The following SLC35A3 variants were observed in gnomAD, a reference collection of about 807,000 sequenced individuals.
SLC35A3 encodes solute carrier family 35 member A3, also known as UDP-N-acetylglucosamine transporter.
In SLC35A3, 26 loss-of-function variants were observed where a neutral mutation model predicts 39.0. The observed-to-expected ratio is 0.67, with a 90% CI of 0.49 to 0.92. The LOEUF is 0.92. Ranked by LOEUF, SLC35A3 falls within the 40% of genes least tolerant of loss-of-function variation. The probability of loss-of-function intolerance (pLI) is 0.00; values close to 1 mark genes in which losing one functional copy is unlikely to be tolerated. For synonymous variants in SLC35A3, 135 were observed against 133.1 expected, an observed-to-expected ratio of 1.01 and a Z score of -0.10; for missense variants, 299 against 371.6, an observed-to-expected ratio of 0.80 and a Z score of 1.61.
At chr1:100,018,851 A>G (rs1447527972) in intron 7 of SLC35A3, among the ~76,000 whole-genome samples, 1 of 152,194 alleles carries the variant, frequency 6.6e-6, no homozygotes, top group Non-Finnish European at 1.5e-5. Context: ...TATCCTTTTT[A>G]TATTTTTTAT....
At chr1:99,970,704 G>GT in intron 1 of SLC35A3, 2 of 1,153,924 alleles carry the variant, frequency 1.7e-6, no homozygotes, top group African/African-American at 3.1e-5. Flanking sequence ...ATCAGAACAG[G>GT]TGTGTGGGTG....
At chr1:100,020,913 G>T (rs546119825) in intron 7 of SLC35A3, among the ~76,000 whole-genome samples, 1 of 152,154 alleles carries the variant, frequency 6.6e-6, no homozygotes, top group African/African-American at 2.4e-5. Context: ...TGGGTGGCAT[G>T]AAGTGGGAAG....
intron 1 of SLC35A3, among the ~76,000 whole-genome samples, chr1:99,992,829 A>G (rs745545616): frequency 1.3e-5 from 2 of 152,100 alleles, no homozygotes; most frequent in African/African-American, 4.8e-5. Flanking sequence ...TAAATCTTCT[A>G]TGTTAATAGA....
chr1:100,007,352 A>G, intron 4 of SLC35A3, 196 bp downstream of exon 4: 1 of 449,728 alleles, frequency 2.2e-6, no homozygotes, highest in Non-Finnish European at 3.9e-6. Flanking sequence ...GAATTAATCA[A>G]AATAAAATTA....
At chr1:100,015,541 T>C in intron 6 of SLC35A3, 121 bp downstream of exon 6, 1 of 1,061,060 alleles carries the variant, frequency 9.4e-7, no homozygotes, top group South Asian at 2.8e-5. Flanking sequence ...TGCTCTCGTA[T>C]CTAGTTTATT....
chr1:99,976,470 GACA>G (rs571046225), intron 1 of SLC35A3, among the ~76,000 whole-genome samples: 279 of 152,246 alleles, frequency 1.8e-3, no homozygotes, highest in Non-Finnish European at 3.0e-3. Context: ...GAAAACCTTT[GACA>G]ACAAAGGAAG....
intron 1 of SLC35A3, among the ~76,000 whole-genome samples, chr1:99,974,196 A>G (rs1046539703): frequency 5.3e-5 from 8 of 152,156 alleles, no homozygotes; most frequent in African/African-American, 1.2e-4. Context: ...ACCAATTTCA[A>G]ACAGCATTTC....
At chr1:100,002,339 G>A (rs1332065373) in intron 3 of SLC35A3, among the ~76,000 whole-genome samples, 1 of 152,134 alleles carries the variant, frequency 6.6e-6, no homozygotes, top group Non-Finnish European at 1.5e-5. Flanking sequence ...TAGGTTGTAT[G>A]AGTCCAGGAA....
chr1:99,972,794 T>C (rs535489177), intron 1 of SLC35A3, among the ~76,000 whole-genome samples: 2 of 152,212 alleles, frequency 1.3e-5, no homozygotes, highest in African/African-American at 4.8e-5. Context: ...TTACTGTGGA[T>C]TTAATATTTG....
chr1:99,984,136 A>G (rs1377826855), intron 1 of SLC35A3, among the ~76,000 whole-genome samples: 1 of 152,190 alleles, frequency 6.6e-6, no homozygotes, highest in African/African-American at 2.4e-5. Context: ...TACAAAAACA[A>G]GAAATAGAGG....
At chr1:99,988,738 C>CCTCCTCTCTCCTCCCCTTCT (rs1657900867) in intron 1 of SLC35A3, among the ~76,000 whole-genome samples, 1 of 150,926 alleles carries the variant, frequency 6.6e-6, no homozygotes, top group Non-Finnish European at 1.5e-5. Context: ...CTCCCCTTCC[C>CCTCCTCTCTCCTCCCCTTCT]CTCCTCTCTC....
intron 1 of SLC35A3, among the ~76,000 whole-genome samples, chr1:99,992,461 A>G (rs1658149396): frequency 2.0e-5 from 3 of 152,052 alleles, no homozygotes; most frequent in Admixed American, 2.0e-4. Flanking sequence ...CTTCATATTT[A>G]AAGTAAGTCT....
intron 7 of SLC35A3, among the ~76,000 whole-genome samples, chr1:100,021,553 G>T (rs1410850307): frequency 1.3e-5 from 2 of 151,804 alleles, no homozygotes; most frequent in East Asian, 3.9e-4. Flanking sequence ...TGCACCTGTG[G>T]TCTCAGCTAC....
intron 3 of SLC35A3, 70 bp from the exon 4 acceptor site, chr1:100,006,964 C>G: frequency 6.8e-7 from 1 of 1,475,028 alleles, no homozygotes; most frequent in Non-Finnish European, 9.1e-7. Flanking sequence ...AAATACATTT[C>G]TAATAGTACT....
At chr1:99,970,378 C>G (rs1656729370) in intron 1 of SLC35A3, 1 of 597,102 alleles carries the variant, frequency 1.7e-6, no homozygotes. Flanking sequence ...CTCCGACGGA[C>G]GACGTGCGGA....
intron 7 of SLC35A3, among the ~76,000 whole-genome samples, chr1:100,020,996 A>G (rs374034204): frequency 3.3e-5 from 5 of 152,328 alleles, no homozygotes; most frequent in African/African-American, 1.2e-4. Context: ...TTTATAGGCA[A>G]TTAAAAACAA....
chr1:99,995,139 TCTTTCTTTCTTTCTTTCTTTC>T, intron 2 of SLC35A3, among the ~76,000 whole-genome samples: 1 of 149,400 alleles, frequency 6.7e-6, no homozygotes. Flanking sequence ...TTTCTTTCTT[TCTTTCTTTCTTTCTTTCTTTC>T]TTTTTTTTTC....
chr1:99,984,691 T>C (rs977138310), intron 1 of SLC35A3, among the ~76,000 whole-genome samples: 2 of 152,244 alleles, frequency 1.3e-5, no homozygotes, highest in Non-Finnish European at 2.9e-5. Flanking sequence ...CTAGTTTACA[T>C]TCCAGCCAGC....
At position 100,024,789 on chromosome 1, in the gene SLC35A3, GTATA is replaced by G; in HGVS notation, c.*2317_*2320del. ...TGAGCCACTGCGCCCGGCCTATACT[GTATA>G]TATTTTTAAAGACTGTTCTAATAGA... On this transcript the variant is annotated 3_prime_UTR_variant, in exon 8 of 8. Transcript: ENST00000533028. 2.5e-6 allele frequency: 1 copy of G among 394,974 alleles called. No homozygotes were observed. Among genetic ancestry groups the G allele is most frequent in the South Asian group, 1.4e-4 (1 of 7,168 alleles). 24.5% of individuals were successfully genotyped at this position (394,974 alleles called of 1,614,324 possible). A position where few individuals can be genotyped will look rare whatever the true frequency, so the allele number is the denominator to read the frequency against.
Sources: allele counts gnomAD v4.1 joint callset (sites outside exome capture counted in the v4.1 genomes callset), GRCh38; gene constraint gnomAD v4.1.1; transcripts MANE v1.5; gene names NCBI Gene and HGNC (gene_info 2026-07-23, HGNC 2026-07-21).